The following SREBF1 variants were observed in gnomAD, a reference collection of about 807,000 sequenced individuals.
The protein encoded by SREBF1 is sterol regulatory element binding transcription factor 1.
SREBF1 carries 45 observed loss-of-function variants against 100.1 expected under a neutral mutation model. The ratio of observed to expected loss-of-function variants is 0.45; its 90% CI spans 0.35 to 0.58. The LOEUF (loss-of-function observed/expected upper bound fraction) is 0.58, where lower values mean the gene tolerates loss of function less well. SREBF1 is among the 20% of genes least tolerant of loss of function. The probability of loss-of-function intolerance (pLI) is 0.00; values close to 1 mark genes in which losing one functional copy is unlikely to be tolerated. For synonymous variants in SREBF1, 657 were observed against 681.8 expected, an observed-to-expected ratio of 0.96 and a Z score of 0.57; for missense variants, 1,324 against 1,539.4, an observed-to-expected ratio of 0.86 and a Z score of 2.34.
intron 1 of SREBF1, chr17:17,823,690 A>AGCCCCGCCCCGCCTGCAGGTCCC (rs1189259506): frequency 1.3e-6 from 1 of 745,242 alleles, no homozygotes; most frequent in African/African-American, 6.7e-5. Context: ...GCCCCGCCCC[A>AGCCCCGCCCCGCCTGCAGGTCCC]GCCCCGCCCC....
At chr17:17,815,708 G>A (rs1341298513) in intron 12 of SREBF1, 152 bp downstream of exon 12, 1 of 808,810 alleles carries the variant, frequency 1.2e-6, no homozygotes, top group African/African-American at 1.7e-5. Flanking sequence ...AGGCACCCAG[G>A]CCTTTCCCTT....
chr17:17,820,453 T>C lies in SREBF1; in HGVS notation c.160A>G (p.Ser54Gly), dbSNP rs2034018721. The C allele has an allele frequency of 6.2e-7, 1 of 1,614,054 alleles. No homozygotes were observed. Among genetic ancestry groups the C allele is most frequent in the Middle Eastern group, 1.6e-4 (1 of 6,062 alleles). Reference protein sequence around the residue: ...PGLFDPPYAGSGAGGTDPASP... With the variant: ...PGLFDPPYAGGGAGGTDPASP... ...GCAGGGTCTGTGCCCCCTGCCCCACTCCCAGCATAGGGTGGGTCAAATAGG... is the reference window on the plus strand; with the variant it reads ...GCAGGGTCTGTGCCCCCTGCCCCACCCCCAGCATAGGGTGGGTCAAATAGG... The change falls in exon 2 of 19, where the codon AGT becomes GGT. Residue 54 changes from serine to glycine, a missense_variant. Coordinates refer to ENST00000261646, the MANE Select transcript of SREBF1 (RefSeq NM_004176.5).
At chr17:17,823,572 G>C in intron 1 of SREBF1, 1 of 1,613,332 alleles carries the variant, frequency 6.2e-7, no homozygotes, top group South Asian at 1.1e-5. Flanking sequence ...GGGGCGTCCA[G>C]GCCGTTGGCC....
At position 17,812,538 on chromosome 17, in the gene SREBF1, GC is replaced by G. The variant is rs558393829; in HGVS notation, c.*83del. On this transcript the variant is annotated 3_prime_UTR_variant, in exon 19 of 19. Transcript: ENST00000261646. ...GCCAGAGTCTCTTGCACTGCCTTCG[GC>G]CTTCAAAGCTTCGACGCAGGACAGA... is the stretch of plus-strand genomic sequence containing the variant. 533 of 1,393,326 alleles carry G rather than the reference GC, an allele frequency of 3.8e-4. 2 individuals carry two copies. In the African/African-American group the frequency reaches 7.0e-3, roughly 18 times the overall value. The allele number at this position is 1,393,326 out of a possible 1,614,324, so 86.3% of individuals were successfully genotyped here. A position where few individuals can be genotyped will look rare whatever the true frequency, so the allele number is the denominator to read the frequency against.
rs376445991 is a variant in SREBF1 at position 17,818,031 on chromosome 17, G to A, written c.1184-115C>T. 371 of 1,165,484 alleles carry A rather than the reference G, an allele frequency of 3.2e-4. 3 individuals carry two copies. The South Asian group carries it at 4.0e-3, about 13-fold the overall frequency. 72.2% of individuals were successfully genotyped at this position (1,165,484 alleles called of 1,614,324 possible). ...GTAGCTCCTAAAGCTAGCCCAGGAC[G>A]CTTTGATGGGGCTGGGTTAGGGCCA... On this transcript the variant is annotated intron_variant, in intron 6 of 18. Coordinates refer to ENST00000261646, the MANE Select transcript of SREBF1 (RefSeq NM_004176.5).
At chr17:17,836,368 G>C (rs1473361787) in intron 1 of SREBF1, among the ~76,000 whole-genome samples, 1 of 152,256 alleles carries the variant, frequency 6.6e-6, no homozygotes, top group East Asian at 1.9e-4. Context: ...CTGGGGCGGA[G>C]CTTCGGCGAC....
rs1366968057 is a variant in SREBF1 at position 17,820,180 on chromosome 17, G to C, written c.433C>G (p.Leu145Val). The change falls in exon 2 of 19, where the codon CTG becomes GTG. Residue 145 changes from leucine to valine, a missense_variant. Leu to Val is a conservative substitution (Grantham distance 32). Transcript: ENST00000261646. ...PTPQPLPGALLPQSFPAPAPP... is the reference protein window; with the variant it reads ...PTPQPLPGALVPQSFPAPAPP... ...GCTGGGGCTGGGAAGCTCTGTGGCAGGAGGGCCCCTGGCAGGGGCTGTGGG... is the reference window on the plus strand; with the variant it reads ...GCTGGGGCTGGGAAGCTCTGTGGCACGAGGGCCCCTGGCAGGGGCTGTGGG... 1 of 1,613,260 alleles carries C rather than the reference G, an allele frequency of 6.2e-7. No homozygotes were observed. The highest frequency in any genetic ancestry group is 8.5e-7 in the Non-Finnish European group (1 of 1,179,764).
Position 17,813,435 on chromosome 17 carries a change from G to A in SREBF1, c.3147C>T (p.Ser1049=). 2 of 1,599,712 alleles carry A rather than the reference G, an allele frequency of 1.3e-6. No individual in the cohort carries two copies. Among genetic ancestry groups the A allele is most frequent in the Non-Finnish European group, 8.5e-7 (1 of 1,174,594 alleles). Residue 1049 remains serine, a synonymous_variant, in exon 18 of 19, where the codon AGC becomes AGT. Transcript: ENST00000261646. ...CGAGGAGCTGGTGTGTCCGTGTGGG[G>A]CTGGCCCCCGCCATCAGCCGGGCCG... ...EATARLMAGA[S]PTRTHQLLDR...
chr17:17,820,301 G>A lies in SREBF1; in HGVS notation c.312C>T (p.Pro104=). 1 of 1,613,866 alleles carries A rather than the reference G, an allele frequency of 6.2e-7. No individual in the cohort carries two copies. Among genetic ancestry groups the A allele is most frequent in the South Asian group, 1.1e-5 (1 of 91,088 alleles). The change falls in exon 2 of 19, where the codon CCC becomes CCT. Residue 104 remains proline (P), a synonymous_variant. Transcript: ENST00000261646. ...PSPLSPPQPA[P]TPLKMYPSMP... ...TGGACGGGTACATCTTCAATGGAGT[G>A]GGTGCAGGCTGGGGAGGGGACAGGG...
rs1234050230 is a variant in SREBF1, at chr17:17,815,888, C to T, written c.2355G>A (p.Glu785=). 6 of 1,612,856 alleles carry T rather than the reference C, an allele frequency of 3.7e-6. No individual in the cohort carries two copies. Among genetic ancestry groups the T allele is most frequent in the Non-Finnish European group, 5.1e-6 (6 of 1,179,924 alleles). Residue 785 remains glutamate (E), a synonymous_variant, in exon 12 of 19, where the codon GAG becomes GAA. Transcript: ENST00000261646. ...GGTTCCCGGCCAAGCTGTACAGGCT[C>T]TCCCATGGGGTACTGAGCACGGACC... ...GDWSVLSTPW[E]SLYSLAGNPV...
At chr17:17,831,654 C>T (rs1484560269) in intron 1 of SREBF1, among the ~76,000 whole-genome samples, 2 of 152,176 alleles carry the variant, frequency 1.3e-5, no homozygotes, top group East Asian at 1.9e-4. Flanking sequence ...AAGACTGCCA[C>T]GGGCTTAACA....
chr17:17,829,205 A>AAAATATATATATATATATATATATAT (rs1210718799), intron 1 of SREBF1, among the ~76,000 whole-genome samples: 2 of 65,850 alleles, frequency 3.0e-5, no homozygotes, highest in African/African-American at 1.8e-4. Flanking sequence ...AAAAAAAAAA[A>AAAATATATATATATATATATATATAT]ATATATATAT....
rs1253225038 is a variant in SREBF1, at chr17:17,829,191, TAAAAA to T, written c.91+7531_91+7535del. 5.3e-4 allele frequency among the ~76,000 whole-genome samples: 24 copies of T among 44,944 alleles called. 1 individual carries two copies. The highest frequency in any genetic ancestry group is 2.9e-3 in the African/African-American group (24 of 8,274). The allele number at this position is 44,944 out of a possible 152,430, so 29.5% of individuals were successfully genotyped here. On this transcript the variant is annotated intron_variant, in intron 1 of 18. Transcript: ENST00000261646. ...CTGGTGACAGAACGAGACTCCATCT[TAAAAA>T]AAAAAAAAAATATATATATATATAT...
At chr17:17,826,567 C>T (rs1404595830) in intron 1 of SREBF1, among the ~76,000 whole-genome samples, 3 of 152,182 alleles carry the variant, frequency 2.0e-5, no homozygotes, top group Admixed American at 6.5e-5. Flanking sequence ...ATGGTGGCCC[C>T]AACTGCTCCC....
chr17:17,814,512 G>T, intron 15 of SREBF1, 102 bp from the exon 16 acceptor site: 1 of 1,536,088 alleles, frequency 6.5e-7, no homozygotes, highest in East Asian at 2.4e-5. Flanking sequence ...AAAAAAGGTG[G>T]TGACTCCTCC....
intron 1 of SREBF1, among the ~76,000 whole-genome samples, chr17:17,832,542 A>C (rs953729999): frequency 1.3e-5 from 2 of 152,202 alleles, no homozygotes; most frequent in Admixed American, 6.5e-5. Context: ...CTGGTAGAAG[A>C]AGCTTCAAAA....
At chr17:17,827,361 G>A (rs1192876426) in intron 1 of SREBF1, among the ~76,000 whole-genome samples, 1 of 152,218 alleles carries the variant, frequency 6.6e-6, no homozygotes, top group East Asian at 1.9e-4. Context: ...TGTGGCACAG[G>A]TGCTCATGGG....
Position 17,824,927 on chromosome 17 carries a change from C to T in SREBF1, c.92-4406G>A, listed in dbSNP as rs1237589472. Reference sequence around the variant, plus strand: ...CTTTGGGAGGTTCAAGGACAACAGACGGCCTCTCTAGCATGGCCCAACCCT... The same window carrying T: ...CTTTGGGAGGTTCAAGGACAACAGATGGCCTCTCTAGCATGGCCCAACCCT... On this transcript the variant is annotated intron_variant, in intron 1 of 18. Coordinates refer to ENST00000261646, the MANE Select transcript of SREBF1 (RefSeq NM_004176.5). This position sits in a 1 kb window ranked among gnomAD's most constrained non-coding sequence, Gnocchi z 4.2. 6.6e-6 allele frequency among the ~76,000 whole-genome samples: 1 copy of T among 152,190 alleles called. No individual in the cohort carries two copies. Among genetic ancestry groups the T allele is most frequent in the African/African-American group, 2.4e-5 (1 of 41,442 alleles).
At chr17:17,829,204 AAATATATAT>A (rs1210695602) in intron 1 of SREBF1, among the ~76,000 whole-genome samples, 10 of 39,822 alleles carry the variant, frequency 2.5e-4, no homozygotes, top group African/African-American at 5.4e-4. Context: ...AAAAAAAAAA[AAATATATAT>A]ATATATATAT....
Sources: gnomAD v4.1 joint callset for allele counts (sites outside exome capture counted in the v4.1 genomes callset) on GRCh38, gnomAD v4.1.1 for gene constraint, Gnocchi (gnomAD v3.1) non-coding constraint, MANE v1.5 for transcripts, NCBI Gene and HGNC (gene_info 2026-07-23, HGNC 2026-07-21) for gene names.